FAR2: variants seen among roughly 807,000 people sequenced by gnomAD.
FAR2 encodes the protein fatty acyl-CoA reductase 2.
A neutral mutation model predicts 56.0 loss-of-function variants in FAR2; 19 were observed. The ratio of observed to expected loss-of-function variants is 0.34; its 90% CI spans 0.24 to 0.50. The LOEUF (loss-of-function observed/expected upper bound fraction) is 0.50. FAR2 is among the 20% of genes least tolerant of loss of function. FAR2 has a pLI of 0.98. For synonymous variants in FAR2, 219 were observed against 218.8 expected (o/e 1.00, Z -0.01); for missense variants, 508 against 642.2 (o/e 0.79, Z 2.26).
chr12:29,197,082 G>A lies in FAR2; in HGVS notation c.-39+47675G>A, dbSNP rs184906661. On this transcript the variant is annotated intron_variant, in intron 1 of 11. Coordinates refer to ENST00000536681, the MANE Select transcript of FAR2 (RefSeq NM_001271783.2). ...AAAATCCTTGGTGGAGAGAAAATAG[G>A]CATGAAGCAACATTTGCATTTGACC... Among the ~76,000 whole-genome samples the A allele has an allele frequency of 8.7e-4, 133 of 152,216 alleles. 1 individual carries two copies. Among genetic ancestry groups the A allele is most frequent in the Non-Finnish European group, 2.4e-4 (16 of 67,982 alleles).
intron 1 of FAR2, among the ~76,000 whole-genome samples, chr12:29,257,107 G>T (rs1354108268): frequency 6.6e-6 from 1 of 152,242 alleles, no homozygotes; most frequent in Admixed American, 6.5e-5. Flanking sequence ...CTGGGCTCCT[G>T]AGTCTGGTGG....
At chr12:29,240,583 G>A (rs996164808) in intron 1 of FAR2, among the ~76,000 whole-genome samples, 1 of 151,460 alleles carries the variant, frequency 6.6e-6, no homozygotes, top group Non-Finnish European at 1.5e-5. Flanking sequence ...AGCCCAGTTT[G>A]CTTCATGGGC....
At chr12:29,284,945 CA>C (rs1364990663) in intron 2 of FAR2, among the ~76,000 whole-genome samples, 1 of 152,082 alleles carries the variant, frequency 6.6e-6, no homozygotes, top group Non-Finnish European at 1.5e-5. Context: ...GGGTTCACGC[CA>C]TTCTCCTGCC....
intron 1 of FAR2, among the ~76,000 whole-genome samples, chr12:29,267,258 C>A (rs898748753): frequency 6.6e-6 from 1 of 152,008 alleles, no homozygotes; most frequent in Non-Finnish European, 1.5e-5. Flanking sequence ...AGCTAGAAAC[C>A]ATTAAGAAGA....
At chr12:29,248,453 G>A (rs1205888763) in intron 1 of FAR2, among the ~76,000 whole-genome samples, 2 of 152,148 alleles carry the variant, frequency 1.3e-5, no homozygotes, top group Non-Finnish European at 1.5e-5. Context: ...TTCAAAAGGG[G>A]AGGGAGTGTG....
chr12:29,153,944 C>T (rs900871465), intron 1 of FAR2, among the ~76,000 whole-genome samples: 6 of 152,124 alleles, frequency 3.9e-5, no homozygotes, highest in Admixed American at 6.5e-5. Context: ...AAAAACTGAT[C>T]GCCCTGGTTA....
intron 1 of FAR2, among the ~76,000 whole-genome samples, chr12:29,214,768 C>T (rs892139305): frequency 6.6e-6 from 1 of 151,658 alleles, no homozygotes; most frequent in African/African-American, 2.4e-5. Context: ...TTGCAGTGAG[C>T]CAAGATTGCA....
chr12:29,323,250 A>T (rs1429825501), intron 10 of FAR2, among the ~76,000 whole-genome samples: 1 of 152,198 alleles, frequency 6.6e-6, no homozygotes, highest in Non-Finnish European at 1.5e-5. Flanking sequence ...AGCGGCCTGG[A>T]AGCTCAAACT....
intron 1 of FAR2, among the ~76,000 whole-genome samples, chr12:29,263,481 G>A (rs1989075): frequency 0.99 from 151,225 of 152,074 alleles, 75,195 homozygotes; most frequent in East Asian, 1. Context: ...AAAAGTAGAA[G>A]TCAACAACAA....
At chr12:29,275,801 G>GT (rs1948699007) in intron 2 of FAR2, among the ~76,000 whole-genome samples, 1 of 152,146 alleles carries the variant, frequency 6.6e-6, no homozygotes, top group Non-Finnish European at 1.5e-5. Context: ...TCAATGCAGT[G>GT]TTTTTTATAA....
At chr12:29,221,201 A>G (rs955888448) in intron 1 of FAR2, among the ~76,000 whole-genome samples, 30 of 152,172 alleles carry the variant, frequency 2.0e-4, no homozygotes, top group Admixed American at 3.9e-4. Flanking sequence ...CCAACTCCAG[A>G]GATCTTATCT....
At chr12:29,178,622 T>C (rs1328671826) in intron 1 of FAR2, among the ~76,000 whole-genome samples, 1 of 152,194 alleles carries the variant, frequency 6.6e-6, no homozygotes, top group Non-Finnish European at 1.5e-5. Context: ...TCAATTTTTT[T>C]TTCAAAAAGG....
chr12:29,252,315 G>A (rs1033070746), intron 1 of FAR2, among the ~76,000 whole-genome samples: 3 of 152,174 alleles, frequency 2.0e-5, no homozygotes, highest in Non-Finnish European at 4.4e-5. Flanking sequence ...GACCTTTCAG[G>A]AATGAAGGTT....
In FAR2 at chr12:29,234,435, T is replaced by TGC. The variant is rs1447231500; in HGVS notation, c.-38-35977_-38-35976insGC. On this transcript the variant is annotated intron_variant, in intron 1 of 11. Transcript: ENST00000536681. ...TCACAAAGTCCTGATGTTTTTGCCT[T>TGC]CTTCTTATTAAATTTCTGTCCCTTC... 3.3e-3 allele frequency among the ~76,000 whole-genome samples: 503 copies of TGC among 151,634 alleles called. 2 individuals carry two copies. Among genetic ancestry groups the TGC allele is most frequent in the Admixed American group, 0.017 (256 of 15,202 alleles).
intron 2 of FAR2, among the ~76,000 whole-genome samples, chr12:29,270,892 C>G (rs538643225): frequency 2.1e-4 from 32 of 152,362 alleles, no homozygotes; most frequent in Admixed American, 7.2e-4. Context: ...TATCAAAATA[C>G]TCAAACTCCC....
At chr12:29,153,339 A>T (rs961177043) in intron 1 of FAR2, among the ~76,000 whole-genome samples, 2 of 144,646 alleles carry the variant, frequency 1.4e-5, no homozygotes, top group South Asian at 2.1e-4. Flanking sequence ...TAACTTGACT[A>T]AAAAAAAAAT....
intron 2 of FAR2, among the ~76,000 whole-genome samples, chr12:29,291,702 C>T (rs892832933): frequency 2.0e-5 from 3 of 152,190 alleles, no homozygotes; most frequent in Admixed American, 6.5e-5. Flanking sequence ...TATGAAAAGA[C>T]CAAAACCACT....
intron 2 of FAR2, among the ~76,000 whole-genome samples, chr12:29,289,192 T>C (rs1395326453): frequency 1.3e-5 from 2 of 151,888 alleles, no homozygotes; most frequent in South Asian, 2.1e-4. Context: ...AAAAAAACAA[T>C]CCTAAAATTT....
At chr12:29,195,315 T>C (rs1268896003) in intron 1 of FAR2, among the ~76,000 whole-genome samples, 1 of 152,222 alleles carries the variant, frequency 6.6e-6, no homozygotes, top group East Asian at 1.9e-4. Context: ...CCATCTACAA[T>C]TACTTTCAGT....
Sources: allele counts gnomAD v4.1 joint callset (sites outside exome capture counted in the v4.1 genomes callset), GRCh38; gene constraint gnomAD v4.1.1; transcripts MANE v1.5; gene names NCBI Gene and HGNC (gene_info 2026-07-23, HGNC 2026-07-21).